The following MRPL27 variants were observed in gnomAD, a reference collection of about 807,000 sequenced individuals.
MRPL27 encodes the protein mitochondrial ribosomal protein L27.
In MRPL27, 4 loss-of-function variants were observed where a neutral mutation model predicts 14.6. That is an observed-to-expected ratio of 0.27 (90% CI 0.14 to 0.63). MRPL27 has a LOEUF of 0.63. Among genes scored for constraint, MRPL27 ranks in the 20% least tolerant of loss-of-function variants. The pLI, the probability that MRPL27 is intolerant of heterozygous loss-of-function variation, is 0.85. For missense variants in MRPL27, 196 were observed against 192.8 expected, an observed-to-expected ratio of 1.02 and a Z score of -0.10; for synonymous variants, 82 against 75.5, an observed-to-expected ratio of 1.09 and a Z score of -0.45.
At chr17:50,369,999 A>C (rs746118655) in intron 3 of MRPL27, 33 bp downstream of exon 3, 7 of 1,611,070 alleles carry the variant, frequency 4.3e-6, no homozygotes, top group Non-Finnish European at 5.1e-6. Flanking sequence ...AACCTAGAAA[A>C]GGAAAAAGGG....
rs372301849 is a variant in MRPL27, at chr17:50,368,255, C to T, written c.284G>A (p.Gly95Glu). Reference protein sequence around the residue: ...KNKCLYALEEGIVRYTKEVYV... With the variant: ...KNKCLYALEEEIVRYTKEVYV... ...GACCTCCTTAGTGTAGCGGACTATC[C>T]CCTCTTCCAGGGCATACAGACATTT... is the stretch of plus-strand genomic sequence containing the variant. Residue 95 changes from glycine (G) to glutamate (E), a missense_variant, in exon 4 of 4, where the codon GGG (glycine) becomes GAG (glutamate). Physicochemically the swap from Gly to Glu is moderately conservative, Grantham distance 98 (BLOSUM62 -2). Coordinates refer to ENST00000225969, the MANE Select transcript of MRPL27 (RefSeq NM_016504.3). 1.8e-4 allele frequency: 286 copies of T among 1,614,164 alleles called. No individual in the cohort carries two copies. The highest frequency in any genetic ancestry group is 2.2e-4 in the Non-Finnish European group (259 of 1,180,030).
chr17:50,373,141 G>C lies in MRPL27; in HGVS notation c.30C>G (p.Thr10=), dbSNP rs934168326. MASVVLALR[T]RTAVTSLLSP... ...ACTGCGTCCCATTACCGGCTGTCCG[G>C]GTCCTCAGCGCCAACACCACCGACG... Residue 10 remains threonine, a synonymous_variant, in exon 1 of 4, where the codon ACC becomes ACG. Transcript: ENST00000225969. 1.9e-6 allele frequency: 3 copies of C among 1,613,980 alleles called. No homozygotes were observed. The highest frequency in any genetic ancestry group is 2.7e-5 in the African/African-American group (2 of 74,922).
chr17:50,370,802 G>A, intron 1 of MRPL27: 4 of 528,650 alleles, frequency 7.6e-6, no homozygotes, highest in Non-Finnish European at 1.3e-5. Context: ...AAACACAAAT[G>A]GAAAAAAATA....
At chr17:50,368,391 C>A in intron 3 of MRPL27, 93 bp from the exon 4 acceptor site, 1 of 1,362,224 alleles carries the variant, frequency 7.3e-7, no homozygotes, top group Non-Finnish European at 1.0e-6. Flanking sequence ...GAGCCGGGCC[C>A]TGGGGCTGAA....
At chr17:50,370,697 A>T in intron 1 of MRPL27, 111 bp from the exon 2 acceptor site, 35 of 1,399,520 alleles carry the variant, frequency 2.5e-5, no homozygotes, top group Admixed American at 3.7e-5. Flanking sequence ...AAGCTGTGTC[A>T]GGGGAGCAGA....
At position 50,370,012 on chromosome 17, in the gene MRPL27, G is replaced by A. The variant is rs747550792; in HGVS notation, c.240+20C>T. Reference sequence around the variant, plus strand: ...TCAACCTAGAAAAGGAAAAAGGGGGGCAGCAACGGAGCAACTCACATGGGC... The same window carrying A: ...TCAACCTAGAAAAGGAAAAAGGGGGACAGCAACGGAGCAACTCACATGGGC... On this transcript the variant is annotated intron_variant, in intron 3 of 3. Coordinates refer to ENST00000225969, the MANE Select transcript of MRPL27 (RefSeq NM_016504.3). The A allele has an allele frequency of 3.1e-6, 5 of 1,613,306 alleles. No individual in the cohort carries two copies. In the East Asian group the frequency reaches 6.7e-5, roughly 22 times the overall value.
In MRPL27 at chr17:50,367,949, G is replaced by T; in HGVS notation, c.*143C>A. On this transcript the variant is annotated 3_prime_UTR_variant, in exon 4 of 4. Coordinates refer to ENST00000225969, the MANE Select transcript of MRPL27 (RefSeq NM_016504.3). Reference sequence around the variant, plus strand: ...AGGTCTCCCAAAGGGTTTCCCAGCAGTCACTTCAGAGTCTCCTGCAGAGTC... The same window carrying T: ...AGGTCTCCCAAAGGGTTTCCCAGCATTCACTTCAGAGTCTCCTGCAGAGTC... The T allele has an allele frequency of 2.2e-6, 2 of 891,502 alleles. No homozygotes were observed. Among genetic ancestry groups the T allele is most frequent in the Non-Finnish European group, 1.7e-6 (1 of 588,934 alleles). 55.2% of individuals were successfully genotyped at this position (891,502 alleles called of 1,614,324 possible).
In MRPL27 at chr17:50,367,992, T is replaced by C. The variant is rs1411478119; in HGVS notation, c.*100A>G. On this transcript the variant is annotated 3_prime_UTR_variant, in exon 4 of 4. Coordinates refer to ENST00000225969, the MANE Select transcript of MRPL27 (RefSeq NM_016504.3). ...GCAGAGTCACCATCAAGCAGACCTC[T>C]TCCTCGGGAGGCCGTGTCGCCACCC... 2.7e-5 allele frequency: 35 copies of C among 1,306,262 alleles called. No individual in the cohort carries two copies. Among genetic ancestry groups the C allele is most frequent in the Middle Eastern group, 2.4e-4 (1 of 4,174 alleles). 80.9% of individuals were successfully genotyped at this position (1,306,262 alleles called of 1,614,324 possible).
intron 1 of MRPL27, 71 bp downstream of exon 1, chr17:50,373,057 ACCT>A: frequency 6.6e-7 from 1 of 1,511,520 alleles, no homozygotes; most frequent in Non-Finnish European, 9.2e-7. Flanking sequence ...GATCAGTGTC[ACCT>A]CCTTCCCTCC....
At chr17:50,369,959 T>A in intron 3 of MRPL27, 73 bp downstream of exon 3, 1 of 1,513,974 alleles carries the variant, frequency 6.6e-7, no homozygotes, top group Non-Finnish European at 9.2e-7. Context: ...ATGCAACTGT[T>A]ATTACCATGC....
Position 50,370,448 on chromosome 17 carries a change from T to C in MRPL27, c.172+7A>G. Reference sequence around the variant, plus strand: ...GCTAGGAAGGGGAAGCCAAGGCACATCCTCACCTTCCATTTTCTTAATGCC... The same window carrying C: ...GCTAGGAAGGGGAAGCCAAGGCACACCCTCACCTTCCATTTTCTTAATGCC... On this transcript the variant is annotated splice_region_variant and intron_variant, in intron 2 of 3. Transcript: ENST00000225969. The C allele has an allele frequency of 6.2e-7, 1 of 1,614,108 alleles. No homozygotes were observed. The highest frequency in any genetic ancestry group is 2.2e-5 in the East Asian group (1 of 44,882).
At chr17:50,370,692 G>A in intron 1 of MRPL27, 106 bp from the exon 2 acceptor site, 2 of 1,505,202 alleles carry the variant, frequency 1.3e-6, no homozygotes, top group Non-Finnish European at 1.8e-6. Flanking sequence ...TGAGAAAGCT[G>A]TGTCAGGGGA....
chr17:50,372,900 C>A (rs541270815), intron 1 of MRPL27: 2 of 594,636 alleles, frequency 3.4e-6, no homozygotes, highest in East Asian at 2.9e-5. Context: ...GGAACCCGTC[C>A]GTGCTGCTGA....
chr17:50,368,348 C>T (rs776019884), intron 3 of MRPL27, 50 bp from the exon 4 acceptor site: 26 of 1,581,090 alleles, frequency 1.6e-5, no homozygotes, highest in Non-Finnish European at 1.5e-5. Flanking sequence ...CGAGGTGGTC[C>T]GTCCCAGAAT....
chr17:50,372,968 T>C (rs1439689199), intron 1 of MRPL27, 163 bp downstream of exon 1: 2 of 942,372 alleles, frequency 2.1e-6, no homozygotes, highest in African/African-American at 3.3e-5. Flanking sequence ...ACCCAGGATG[T>C]GTCACGTGAC....
intron 1 of MRPL27, among the ~76,000 whole-genome samples, chr17:50,372,296 A>AGT (rs1913186347): frequency 6.7e-6 from 1 of 149,320 alleles, no homozygotes; most frequent in South Asian, 2.1e-4. Context: ...CCCAGGCTGG[A>AGT]GTGCAGTGGT....
chr17:50,370,768 G>C (rs890674621), intron 1 of MRPL27, 182 bp from the exon 2 acceptor site: 2 of 717,938 alleles, frequency 2.8e-6, no homozygotes, highest in African/African-American at 1.8e-5. Flanking sequence ...TTCTCCTTTT[G>C]GGGGAGGGGG....
At chr17:50,371,556 A>C (rs747328567) in intron 1 of MRPL27, among the ~76,000 whole-genome samples, 3 of 152,210 alleles carry the variant, frequency 2.0e-5, no homozygotes, top group Non-Finnish European at 2.9e-5. Flanking sequence ...CTAGGGGTGC[A>C]ACTCCTTGCC....
chr17:50,370,733 A>T, intron 1 of MRPL27, 147 bp from the exon 2 acceptor site: 15 of 920,386 alleles, frequency 1.6e-5, no homozygotes, highest in Non-Finnish European at 2.3e-5. Flanking sequence ...ATTAGTTCTC[A>T]GGGAATACCT....
Sources: allele counts gnomAD v4.1 joint callset (sites outside exome capture counted in the v4.1 genomes callset), GRCh38; gene constraint gnomAD v4.1.1; transcripts MANE v1.5; gene names NCBI Gene and HGNC (gene_info 2026-07-23, HGNC 2026-07-21).